The following TRIM34 variants were observed in gnomAD, a reference collection of about 807,000 sequenced individuals.
The protein encoded by TRIM34 is E3 ubiquitin-protein ligase TRIM34.
TRIM34 carries 41 observed loss-of-function variants against 38.1 expected under a neutral mutation model. The observed-to-expected ratio is 1.08, with a 90% confidence interval of 0.84 to 1.40. The LOEUF (loss-of-function observed/expected upper bound fraction) is 1.40, where lower values mean the gene tolerates loss of function less well. Among genes scored for constraint, TRIM34 ranks in the 40% most tolerant of loss-of-function variants. The pLI is 0.00. For missense variants in TRIM34, 556 were observed against 571.4 expected (o/e 0.97, Z 0.27); for synonymous variants, 200 against 202.5 (o/e 0.99, Z 0.10).
At chr11:5,632,139 C>T in intron 1 of TRIM34, 116 bp from the exon 2 acceptor site, 1 of 1,441,100 alleles carries the variant, frequency 6.9e-7, no homozygotes, top group South Asian at 1.5e-5. Flanking sequence ...TTTGGTTTCT[C>T]TTCCTCATCT....
chr11:5,642,811 T>C lies in TRIM34; in HGVS notation c.875-6T>C. The C allele has an allele frequency of 6.2e-7, 1 of 1,614,026 alleles. No homozygotes were observed. The highest frequency in any genetic ancestry group is 8.5e-7 in the Non-Finnish European group (1 of 1,179,938). On this transcript the variant is annotated splice_polypyrimidine_tract_variant and splice_region_variant and intron_variant, in intron 6 of 7. Transcript: ENST00000429814. Reference sequence around the variant, plus strand: ...ATCAGCATCACTGAATCTTTTATTATTTCAGAACTGACAGCTGTCCGGTGC... The same window carrying C: ...ATCAGCATCACTGAATCTTTTATTACTTCAGAACTGACAGCTGTCCGGTGC...
intron 4 of TRIM34, among the ~76,000 whole-genome samples, chr11:5,637,547 G>C (rs1370405700): frequency 6.6e-6 from 1 of 152,196 alleles, no homozygotes; most frequent in Admixed American, 6.5e-5. Context: ...GTAGCTAAAT[G>C]AGGGAAAGAA....
At chr11:5,620,422 C>CT (rs1848948868), upstream of TRIM34, among the ~76,000 whole-genome samples, 2 of 151,638 alleles carry the variant, frequency 1.3e-5, no homozygotes, top group South Asian at 4.2e-4. Context: ...AGACTGGACT[C>CT]TAACTCCTGA....
intron 4 of TRIM34, among the ~76,000 whole-genome samples, chr11:5,637,131 C>T (rs1200831019): frequency 1.3e-5 from 2 of 151,872 alleles, no homozygotes; most frequent in Admixed American, 6.6e-5. Flanking sequence ...CAAGATGGCG[C>T]CACTGCACTC....
At position 5,641,169 on chromosome 11, in the gene TRIM34, C is replaced by T. The variant is rs1849995171; in HGVS notation, c.753C>T (p.Asp251=). 6.2e-7 allele frequency: 1 copy of T among 1,613,394 alleles called. No homozygotes were observed. The highest frequency in any genetic ancestry group is 1.3e-5 in the African/African-American group (1 of 74,904). The change falls in exon 5 of 8, where the codon GAC becomes GAT. Residue 251 remains aspartate (D), a splice_region_variant and synonymous_variant. Transcript: ENST00000429814. The part of the protein sequence containing the change: ...SQWSTMELLQ[D]MSGIMKWSEI... ...CATGTTTTCTCTTTTCTTTCTAGGA[C>T]ATGAGTGGAATCATGAAATGGTGCG... is the stretch of plus-strand genomic sequence containing the variant.
chr11:5,631,570 C>T (rs933449854), intron 1 of TRIM34, among the ~76,000 whole-genome samples: 5 of 152,134 alleles, frequency 3.3e-5, no homozygotes, highest in Admixed American at 1.3e-4. Flanking sequence ...CTGTTTCTGT[C>T]GGTATCTCTG....
Position 5,643,027 on chromosome 11 carries a change from A to C in TRIM34, c.902-117A>C, listed in dbSNP as rs1850083471. On this transcript the variant is annotated intron_variant, in intron 7 of 7. Transcript: ENST00000429814. ...GTGCAAGTTTTTCAGTCACTTCCCA[A>C]GTTCGTTCATCACCATGTCACTAGA... The C allele has an allele frequency of 2.3e-6, 3 of 1,292,326 alleles. No homozygotes were observed. The African/African-American group carries it at 4.5e-5, about 19-fold the overall frequency. 80.1% of individuals were successfully genotyped at this position (1,292,326 alleles called of 1,614,324 possible).
upstream of TRIM34, among the ~76,000 whole-genome samples, chr11:5,624,568 T>C (rs1306001623): frequency 6.6e-6 from 1 of 152,224 alleles, no homozygotes; most frequent in African/African-American, 2.4e-5. Context: ...GGTGTTTAGC[T>C]GGCCTGGGAG....
At position 5,643,503 on chromosome 11, in the gene TRIM34, G is replaced by GT. The variant is rs1850115729; in HGVS notation, c.1265dup (p.Leu422PhefsTer19). On this transcript the variant is annotated frameshift_variant, in exon 8 of 8. Transcript: ENST00000429814. LOFTEE classifies it low-confidence loss of function (END_TRUNC). ...AGAGTCTTTGTCCTCTGATCCCGAG[G>GT]TTTTGACTCTCTCCATGGCTGTGCC... The GT allele has an allele frequency of 2.5e-6, 4 of 1,614,004 alleles. No individual in the cohort carries two copies. The highest frequency in any genetic ancestry group is 3.4e-6 in the Non-Finnish European group (4 of 1,180,008).
At chr11:5,642,283 T>TCCC in intron 5 of TRIM34, 123 bp from the exon 6 acceptor site, 1 of 782,838 alleles carries the variant, frequency 1.3e-6, no homozygotes, top group Non-Finnish European at 2.0e-6. Flanking sequence ...CTTCTCCCCC[T>TCCC]CCTCAGGCTC....
Position 5,643,459 on chromosome 11 carries a change from G to A in TRIM34, c.1217G>A (p.Cys406Tyr), listed in dbSNP as rs140596118. The A allele has an allele frequency of 1.4e-5, 23 of 1,614,186 alleles. No individual in the cohort carries two copies. Among genetic ancestry groups the A allele is most frequent in the East Asian group, 2.2e-5 (1 of 44,886 alleles). Residue 406 changes from cysteine to tyrosine, a missense_variant, in exon 8 of 8, where the codon TGT becomes TAT. Cys to Tyr is a radical substitution (Grantham distance 194). Coordinates refer to ENST00000429814, the MANE Select transcript of TRIM34 (RefSeq NM_021616.6). ...GYWVIGLQNK[C>Y]KYGVFEESLS... is the part of the protein sequence containing the mutation. ...TGGGTTATAGGGTTACAGAATAAAT[G>A]TAAGTATGGTGTCTTTGAAGAGTCT...
chr11:5,631,446 C>A (rs1849477672), intron 1 of TRIM34, among the ~76,000 whole-genome samples: 1 of 152,134 alleles, frequency 6.6e-6, no homozygotes, highest in South Asian at 2.1e-4. Context: ...TTTATTTATT[C>A]ATCTGAAGAA....
In TRIM34 at chr11:5,631,562, G is replaced by A. The variant is rs117910169; in HGVS notation, c.-77-693G>A. On this transcript the variant is annotated intron_variant, in intron 1 of 7. Coordinates refer to ENST00000429814, the MANE Select transcript of TRIM34 (RefSeq NM_021616.6). Reference sequence around the variant, plus strand: ...AAATCTCCATATTGTGGTCATTGCTGTTTCTGTCGGTATCTCTGGAAAGTC... The same window carrying A: ...AAATCTCCATATTGTGGTCATTGCTATTTCTGTCGGTATCTCTGGAAAGTC... Among the ~76,000 whole-genome samples the A allele has an allele frequency of 6.7e-3, 1,014 of 152,308 alleles. 22 individuals are homozygous for A. The highest frequency in any genetic ancestry group is 0.032 in the East Asian group (168 of 5,186).
intron 4 of TRIM34, among the ~76,000 whole-genome samples, chr11:5,637,089 T>G (rs1441167893): frequency 6.6e-6 from 1 of 151,972 alleles, no homozygotes. Context: ...AGGAGAATGG[T>G]GTGAACCCAG....
At chr11:5,642,602 A>G in intron 6 of TRIM34, 96 bp downstream of exon 6, 1 of 1,470,506 alleles carries the variant, frequency 6.8e-7, no homozygotes, top group Non-Finnish European at 9.2e-7. Flanking sequence ...AGGACAGAAG[A>G]GAGGAGGGAG....
At chr11:5,632,196 G>C (rs541141163) in intron 1 of TRIM34, 59 bp from the exon 2 acceptor site, 6 of 1,520,558 alleles carry the variant, frequency 3.9e-6, no homozygotes, top group Non-Finnish European at 4.4e-6. Flanking sequence ...TATTGTCTGT[G>C]CAATTAGAAT....
chr11:5,643,831 T>C lies in TRIM34; in HGVS notation c.*122T>C. On this transcript the variant is annotated 3_prime_UTR_variant, in exon 8 of 8. Transcript: ENST00000429814. ...CTTCTTTAGAACTTTTACTCATCCTTGAGATGTATGGTGTATTTGGCTTGA... is the reference window on the plus strand; with the variant it reads ...CTTCTTTAGAACTTTTACTCATCCTCGAGATGTATGGTGTATTTGGCTTGA... The C allele has an allele frequency of 7.8e-7, 1 of 1,288,460 alleles. No individual in the cohort carries two copies. 79.8% of individuals were successfully genotyped at this position (1,288,460 alleles called of 1,614,324 possible).
At chr11:5,642,751 A>G in intron 6 of TRIM34, 66 bp from the exon 7 acceptor site, 1 of 1,602,626 alleles carries the variant, frequency 6.2e-7, no homozygotes, top group Non-Finnish European at 8.5e-7. Flanking sequence ...ACTCTAAAGA[A>G]TATATAGGTA....
intron 4 of TRIM34, among the ~76,000 whole-genome samples, chr11:5,635,545 C>T (rs1293279276): frequency 7.2e-5 from 11 of 152,140 alleles, no homozygotes; most frequent in Admixed American, 2.0e-4. Context: ...CCTGACCCAC[C>T]GCACCCAGCC....
Sources: gnomAD v4.1 joint callset for allele counts (sites outside exome capture counted in the v4.1 genomes callset) on GRCh38, gnomAD v4.1.1 for gene constraint, MANE v1.5 for transcripts, NCBI Gene and HGNC (gene_info 2026-07-23, HGNC 2026-07-21) for gene names.